Variants in SPTA1 observed in about 807,000 individuals in gnomAD.
SPTA1 encodes spectrin alpha chain, erythrocytic 1.
SPTA1 carries 177 observed loss-of-function variants against 324.7 expected under a neutral mutation model. The ratio of observed to expected loss-of-function variants is 0.55; its 90% confidence interval spans 0.48 to 0.62. The LOEUF (loss-of-function observed/expected upper bound fraction) is 0.62, where lower values mean the gene tolerates loss of function less well. Among genes scored for constraint, SPTA1 ranks in the 20% least tolerant of loss-of-function variants. The pLI is 0.00. For missense variants in SPTA1, 3,162 were observed against 2,883.6 expected (o/e 1.10, Z -2.21); for synonymous variants, 1,195 against 1,041.3 (o/e 1.15, Z -2.84).
intron 6 of SPTA1, 27 bp downstream of exon 6, chr1:158,678,374 T>C (rs374452996): frequency 9.5e-5 from 153 of 1,613,228 alleles, no homozygotes; most frequent in Non-Finnish European, 1.3e-4. Context: ...TTCAAAGTTT[T>C]CTATAAAGCA....
chr1:158,632,171 C>T (rs7532899), intron 39 of SPTA1, among the ~76,000 whole-genome samples: 2,906 of 151,642 alleles, frequency 0.019, 89 homozygotes, highest in African/African-American at 0.065. Context: ...GAGGACATTA[C>T]GCTAAGCAAA....
chr1:158,651,576 C>T lies in SPTA1; in HGVS notation c.3376-108G>A, dbSNP rs1186893142. The T allele has an allele frequency of 1.5e-5, 12 of 782,512 alleles. 1 individual carries two copies. Among genetic ancestry groups the T allele is most frequent in the Middle Eastern group, 3.6e-4 (1 of 2,810 alleles). 48.5% of individuals were successfully genotyped at this position (782,512 alleles called of 1,614,324 possible). On this transcript the variant is annotated intron_variant, in intron 23 of 51. Coordinates refer to ENST00000643759, the MANE Select transcript of SPTA1 (RefSeq NM_003126.4). ...CTGTCCATCTCTGCCCCTACATCAC[C>T]GTAATACACACCAAGCTCCTCTCCT...
intron 43 of SPTA1, among the ~76,000 whole-genome samples, chr1:158,621,981 CA>C (rs2101765118): frequency 6.6e-6 from 1 of 152,360 alleles, no homozygotes; most frequent in African/African-American, 2.4e-5. Flanking sequence ...TCTCCTGCCT[CA>C]GCCTCCTGAG....
chr1:158,682,426 C>T (rs979959806), intron 3 of SPTA1, among the ~76,000 whole-genome samples: 3 of 152,202 alleles, frequency 2.0e-5, no homozygotes, highest in South Asian at 2.1e-4. Context: ...AATGTAGATG[C>T]TGGTTACATG....
At position 158,635,975 on chromosome 1, in the gene SPTA1, G is replaced by T; in HGVS notation, c.5370C>A (p.Ile1790=). 6.2e-7 allele frequency: 1 copy of T among 1,614,134 alleles called. No homozygotes were observed. The highest frequency in any genetic ancestry group is 8.5e-7 in the Non-Finnish European group (1 of 1,180,024). The change falls in exon 38 of 52, where the codon ATC becomes ATA. Residue 1790 remains isoleucine, a synonymous_variant. Coordinates refer to ENST00000643759, the MANE Select transcript of SPTA1 (RefSeq NM_003126.4). ...KDKAAVGQEE[I]QLRLAQFVEH... ...CAACAAACTGAGCCAGCCGCAACTG[G>T]ATCTCCTCTTGCCCCACAGCAGCCT...
At chr1:158,615,552 A>T in intron 47 of SPTA1, 149 bp from the exon 48 acceptor site, 1 of 712,394 alleles carries the variant, frequency 1.4e-6, no homozygotes, top group Admixed American at 2.6e-5. Context: ...AAACCACTTC[A>T]CTTCTATAGT....
rs73018288 is a variant in SPTA1, at chr1:158,668,306, C to T, written c.1834-244G>A. On this transcript the variant is annotated intron_variant, in intron 14 of 51. Transcript: ENST00000643759. ...CTGGACTTAGATATGGCTTGAAGAT[C>T]ATTTTGAATATGACACCCCATTCAA... Among the ~76,000 whole-genome samples the T allele has an allele frequency of 4.6e-3, 705 of 152,170 alleles. 5 individuals carry two copies. The highest frequency in any genetic ancestry group is 0.016 in the African/African-American group (669 of 41,510).
chr1:158,661,423 G>A lies in SPTA1; in HGVS notation c.2465-14C>T. ...TCAGGTCCTTTCCTGCAGAGGAAAG[G>A]AATTTCAAAGTTTCGGATTATCCTG... On this transcript the variant is annotated splice_polypyrimidine_tract_variant and intron_variant, in intron 17 of 51. Transcript: ENST00000643759. 6.2e-7 allele frequency: 1 copy of A among 1,613,728 alleles called. No homozygotes were observed. Among genetic ancestry groups the A allele is most frequent in the Non-Finnish European group, 8.5e-7 (1 of 1,179,804 alleles).
At chr1:158,623,804 C>A (rs1032435288) in intron 42 of SPTA1, among the ~76,000 whole-genome samples, 2 of 152,192 alleles carry the variant, frequency 1.3e-5, no homozygotes, top group African/African-American at 4.8e-5. Flanking sequence ...ATTGGTACAG[C>A]AGAGACTGGA....
In SPTA1 at chr1:158,648,649, C is replaced by T; in HGVS notation, c.3574G>A (p.Ala1192Thr). Reference sequence around the variant, plus strand: ...TCAATCTGCTCCTTCGTGTCATCTGCTTCTCTGGTATACAAGAGAGTAGAG... The same window carrying T: ...TCAATCTGCTCCTTCGTGTCATCTGTTTCTCTGGTATACAAGAGAGTAGAG... ...AHAVEVFHRE[A>T]DDTKEQIEKK... The change falls in exon 26 of 52, where the codon GCA becomes ACA. Residue 1192 changes from alanine to threonine, a missense_variant. By Grantham distance (58) the Ala-to-Thr change is moderately conservative. Coordinates refer to ENST00000643759, the MANE Select transcript of SPTA1 (RefSeq NM_003126.4). 6.2e-7 allele frequency: 1 copy of T among 1,613,674 alleles called. No homozygotes were observed. Among genetic ancestry groups the T allele is most frequent in the Non-Finnish European group, 8.5e-7 (1 of 1,179,866 alleles).
chr1:158,621,894 T>C (rs1649932862), intron 43 of SPTA1, among the ~76,000 whole-genome samples: 1 of 152,216 alleles, frequency 6.6e-6, no homozygotes, highest in African/African-American at 2.4e-5. Flanking sequence ...GATGGAGTCT[T>C]GCTCTGTCGC....
At chr1:158,631,898 A>AT (rs1256510449) in intron 39 of SPTA1, among the ~76,000 whole-genome samples, 1 of 152,184 alleles carries the variant, frequency 6.6e-6, no homozygotes, top group African/African-American at 2.4e-5. Flanking sequence ...TTCTTGAAAC[A>AT]TTTAAAATAA....
chr1:158,612,294 T>C (rs1557615), intron 51 of SPTA1: 93,195 of 179,452 alleles, frequency 0.52, 24,869 homozygotes, highest in East Asian at 0.62. Context: ...TAGATGATAC[T>C]TTCCCTGATG....
intron 51 of SPTA1, 114 bp downstream of exon 51, chr1:158,612,703 G>A: frequency 8.7e-7 from 1 of 1,144,748 alleles, no homozygotes; most frequent in Non-Finnish European, 1.3e-6. Context: ...GAAAGGGGAG[G>A]TCTGAAAAAA....
rs768234604 is a variant in SPTA1, at chr1:158,638,218, T to C, written c.5004A>G (p.Thr1668=). The change falls in exon 36 of 52, where the codon ACA becomes ACG. Residue 1668 remains threonine (T), a synonymous_variant. Coordinates refer to ENST00000643759, the MANE Select transcript of SPTA1 (RefSeq NM_003126.4). ...CGCTGGAGAGCAAATCTTCAGCCAA[T>C]GTATTCAGGTCCTTGAGTGCATCCT... is the stretch of plus-strand genomic sequence containing the variant. ...AREDALKDLN[T]LAEDLLSSGT... 110 of 1,612,964 alleles carry C rather than the reference T, an allele frequency of 6.8e-5. No individual in the cohort carries two copies. Among genetic ancestry groups the C allele is most frequent in the Middle Eastern group, 6.6e-4 (4 of 6,080 alleles).
chr1:158,639,237 G>T, intron 35 of SPTA1: 4 of 286,112 alleles, frequency 1.4e-5, no homozygotes, highest in African/African-American at 6.6e-5. Context: ...TTTTTTGTTT[G>T]TAATTCTATA....
rs768269003 is a variant in SPTA1, at chr1:158,661,437, C to T, written c.2465-28G>A. The T allele has an allele frequency of 1.5e-5, 25 of 1,613,414 alleles. No individual in the cohort carries two copies. The African/African-American group carries it at 1.7e-4, about 11-fold the overall frequency. ...GCAGAGGAAAGGAATTTCAAAGTTT[C>T]GGATTATCCTGGTGTATGGAAGTAG... On this transcript the variant is annotated intron_variant, in intron 17 of 51. Transcript: ENST00000643759.
intron 15 of SPTA1, 133 bp from the exon 16 acceptor site, chr1:158,666,630 A>T: frequency 1.2e-6 from 1 of 818,352 alleles, no homozygotes; most frequent in East Asian, 2.7e-5. Flanking sequence ...ACTGTCTCAC[A>T]TGTCTCACAA....
At chr1:158,678,993 A>G (rs113900674) in intron 5 of SPTA1, among the ~76,000 whole-genome samples, 3,938 of 152,252 alleles carry the variant, frequency 0.026, 183 homozygotes, top group African/African-American at 0.09. Context: ...TCCCAGAATT[A>G]TAGACACGTG....
Sources: gnomAD v4.1 joint callset for allele counts (sites outside exome capture counted in the v4.1 genomes callset) on GRCh38, gnomAD v4.1.1 for gene constraint, MANE v1.5 for transcripts, NCBI Gene and HGNC (gene_info 2026-07-23, HGNC 2026-07-21) for gene names.